Variants in ADNP2 observed in about 807,000 individuals in gnomAD.
ADNP2 encodes the protein ADNP homeobox 2.
In ADNP2, 8 loss-of-function variants were observed where a neutral mutation model predicts 16.4. That is an observed-to-expected ratio of 0.49 (90% CI 0.29 to 0.88). ADNP2 has a LOEUF of 0.88. Among genes scored for constraint, ADNP2 ranks in the 40% least tolerant of loss-of-function variants. The pLI is 0.09. For missense variants in ADNP2, 1,397 were observed against 1,395.1 expected, an observed-to-expected ratio of 1.00 and a Z score of -0.02; for synonymous variants, 637 against 545.8, an observed-to-expected ratio of 1.17 and a Z score of -2.33.
At position 80,110,933 on chromosome 18, in the gene ADNP2, C is replaced by T. The variant is rs552303087; in HGVS notation, c.-14+1461C>T. On this transcript the variant is annotated intron_variant, in intron 1 of 3. Transcript: ENST00000262198. The stretch of plus-strand genomic sequence containing the variant: ...CACTGTTTATGGGGGAAGATGACAG[C>T]TATGCTAAGATTTTTAGCTGAAGAG... 6.6e-5 allele frequency among the ~76,000 whole-genome samples: 10 copies of T among 152,286 alleles called. No individual in the cohort carries two copies. The South Asian group carries it at 2.1e-3, about 32-fold the overall frequency.
At chr18:80,117,946 C>T (rs1216132545) in intron 2 of ADNP2, among the ~76,000 whole-genome samples, 1 of 152,012 alleles carries the variant, frequency 6.6e-6, no homozygotes, top group Non-Finnish European at 1.5e-5. Context: ...AACTTAATTT[C>T]CCAGTATTGT....
intron 1 of ADNP2, among the ~76,000 whole-genome samples, 184 bp from the exon 2 acceptor site, chr18:80,117,346 A>T (rs927132793): frequency 6.6e-6 from 1 of 152,048 alleles, no homozygotes; most frequent in African/African-American, 2.4e-5. Context: ...TTTTGAGTTA[A>T]TTTTTGTATA....
At chr18:80,123,982 G>T (rs1004994989) in intron 2 of ADNP2, among the ~76,000 whole-genome samples, 1 of 152,080 alleles carries the variant, frequency 6.6e-6, no homozygotes, top group Non-Finnish European at 1.5e-5. Context: ...TACCCACCTC[G>T]GTGTCCCAAA....
intron 2 of ADNP2, among the ~76,000 whole-genome samples, chr18:80,128,370 G>C (rs2052473929): frequency 6.6e-6 from 1 of 152,158 alleles, no homozygotes; most frequent in Non-Finnish European, 1.5e-5. Flanking sequence ...GTAATAACTT[G>C]GCCAGGTGCG....
At chr18:80,132,695 C>G (rs539044014) in intron 2 of ADNP2, among the ~76,000 whole-genome samples, 3 of 149,632 alleles carry the variant, frequency 2.0e-5, no homozygotes, top group African/African-American at 7.4e-5. Context: ...CTCCTCTCCC[C>G]TCCCCTCTCC....
At chr18:80,133,327 G>T (rs2052510635) in intron 3 of ADNP2, 135 bp downstream of exon 3, 2 of 720,000 alleles carry the variant, frequency 2.8e-6, no homozygotes, top group Non-Finnish European at 4.9e-6. Flanking sequence ...ACCTTTCAGA[G>T]AAGTAGCAAG....
intron 3 of ADNP2, among the ~76,000 whole-genome samples, chr18:80,135,324 A>G (rs939508759): frequency 6.6e-6 from 1 of 152,262 alleles, no homozygotes; most frequent in East Asian, 1.9e-4. Flanking sequence ...GTGTTTGTAA[A>G]TAAAGTTTTA....
At chr18:80,121,997 A>G (rs906882899) in intron 2 of ADNP2, among the ~76,000 whole-genome samples, 4 of 151,952 alleles carry the variant, frequency 2.6e-5, no homozygotes, top group East Asian at 1.9e-4. Flanking sequence ...GCTCACTGCA[A>G]CCTCTGCCTC....
At position 80,137,581 on chromosome 18, in the gene ADNP2, C is replaced by G; in HGVS notation, c.2168C>G (p.Ser723Cys). 1.2e-6 allele frequency: 2 copies of G among 1,614,206 alleles called. No homozygotes were observed. The highest frequency in any genetic ancestry group is 1.7e-6 in the Non-Finnish European group (2 of 1,180,052). The change falls in exon 4 of 4, where the codon TCT (serine) becomes TGT (cysteine). Residue 723 changes from serine to cysteine, a missense_variant. Ser to Cys is a moderately radical substitution (Grantham distance 112, BLOSUM62 -1). Around this residue, in one of 3 missense-constraint regions of ADNP2, gnomAD observed 611 missense variants for 648.7 expected, o/e 0.94. Coordinates refer to ENST00000262198, the MANE Select transcript of ADNP2 (RefSeq NM_014913.4). The surrounding 1 kb of genome is among the most constrained non-coding windows in gnomAD (Gnocchi z 4.2). ...EVAHKHSESK[S>C]GEKLEPEKLA... ...GCGCATAAGCACAGCGAGTCCAAGT[C>G]TGGTGAGAAACTTGAGCCTGAAAAA...
At chr18:80,124,994 G>GT (rs1376259550) in intron 2 of ADNP2, among the ~76,000 whole-genome samples, 1 of 152,158 alleles carries the variant, frequency 6.6e-6, no homozygotes, top group African/African-American at 2.4e-5. Flanking sequence ...GGAGTTGTAT[G>GT]TCAGGAAATA....
chr18:80,137,637 A>G lies in ADNP2; in HGVS notation c.2224A>G (p.Met742Val). The G allele has an allele frequency of 1.2e-6, 2 of 1,614,220 alleles. No homozygotes were observed. The highest frequency in any genetic ancestry group is 1.7e-6 in the Non-Finnish European group (2 of 1,180,046). Residue 742 changes from methionine (M) to valine (V), a missense_variant, in exon 4 of 4, where the codon ATG becomes GTG. Met to Val is a conservative substitution (Grantham distance 21). Transcript: ENST00000262198. This position sits in a 1 kb window ranked among gnomAD's most constrained non-coding sequence, Gnocchi z 4.2. ...LAACAPFLKW[M>V]REKTVRCLSC... ...AGCGTGTGCACCATTTCTAAAGTGG[A>G]TGAGAGAGAAAACGGTGCGATGTCT...
chr18:80,129,308 G>T (rs1455330578), intron 2 of ADNP2, among the ~76,000 whole-genome samples: 1 of 151,828 alleles, frequency 6.6e-6, no homozygotes, highest in Non-Finnish European at 1.5e-5. Context: ...TTCACCATGT[G>T]GCCAGGCTGG....
In ADNP2 at chr18:80,136,382, C is replaced by T. The variant is rs773422267; in HGVS notation, c.969C>T (p.Pro323=). ...CCCCTGGAAGCCTCACTCATTCCCC[C>T]CCTGCTGCTGGCCAATCCCACATGA... The part of the protein sequence containing the change: ...QGAPGSLTHS[P]PAAGQSHMTL... The change falls in exon 4 of 4, where the codon CCC becomes CCT. Residue 323 remains proline (P), a synonymous_variant. Coordinates refer to ENST00000262198, the MANE Select transcript of ADNP2 (RefSeq NM_014913.4). The T allele has an allele frequency of 2.5e-6, 4 of 1,614,218 alleles. No individual in the cohort carries two copies. Among genetic ancestry groups the T allele is most frequent in the Admixed American group, 1.7e-5 (1 of 60,030 alleles).
rs1219895001 is a variant in ADNP2 at position 80,135,543 on chromosome 18, AG to A, written c.199-66del. 188 of 1,398,630 alleles carry A rather than the reference AG, an allele frequency of 1.3e-4. No individual in the cohort carries two copies. The African/African-American group carries it at 2.4e-3, about 18-fold the overall frequency. The allele number at this position is 1,398,630 out of a possible 1,614,324, so 86.6% of individuals were successfully genotyped here. ...TTAGAAGAAAAGGGATCAAGTCCTC[AG>A]GGACTGTGGAAGGTTAGCATCTGAC... is the stretch of plus-strand genomic sequence containing the variant. On this transcript the variant is annotated intron_variant, in intron 3 of 3. Transcript: ENST00000262198.
Position 80,120,046 on chromosome 18 carries a change from G to C in ADNP2, c.108+2396G>C, listed in dbSNP as rs959993144. 4.6e-5 allele frequency among the ~76,000 whole-genome samples: 7 copies of C among 152,324 alleles called. No individual in the cohort carries two copies. In the South Asian group the frequency reaches 1.4e-3, roughly 32 times the overall value. ...TATAGGGGTGGGGACTGGGAGGAAG[G>C]CTGAGGCCAAGTGGGCTTTGGGGTG... On this transcript the variant is annotated intron_variant, in intron 2 of 3. Coordinates refer to ENST00000262198, the MANE Select transcript of ADNP2 (RefSeq NM_014913.4).
Position 80,135,976 on chromosome 18 carries a change from G to C in ADNP2, c.563G>C (p.Gly188Ala). The C allele has an allele frequency of 6.2e-7, 1 of 1,614,188 alleles. No homozygotes were observed. Among genetic ancestry groups the C allele is most frequent in the South Asian group, 1.1e-5 (1 of 91,086 alleles). Residue 188 changes from glycine (G) to alanine (A), a missense_variant, in exon 4 of 4, where the codon GGC becomes GCC. Coordinates refer to ENST00000262198, the MANE Select transcript of ADNP2 (RefSeq NM_014913.4). The part of the protein sequence containing the change: ...HFHYLINSYF[G>A]LRTEEMGEQP... ...CACTACTTAATTAACTCCTACTTTG[G>C]CCTAAGAACTGAGGAAATGGGTGAG... is the stretch of plus-strand genomic sequence containing the variant.
rs1568416598 is a variant in ADNP2 at position 80,137,576 on chromosome 18, C to T, written c.2163C>T (p.Ser721=). ...AGGTAGCGCATAAGCACAGCGAGTC[C>T]AAGTCTGGTGAGAAACTTGAGCCTG... ...HMEVAHKHSE[S]KSGEKLEPEK... The change falls in exon 4 of 4, where the codon TCC becomes TCT. Residue 721 remains serine (S), a synonymous_variant. Coordinates refer to ENST00000262198, the MANE Select transcript of ADNP2 (RefSeq NM_014913.4). This position sits in a 1 kb window ranked among gnomAD's most constrained non-coding sequence, Gnocchi z 4.2. 15 of 1,614,202 alleles carry T rather than the reference C, an allele frequency of 9.3e-6. No individual in the cohort carries two copies. The highest frequency in any genetic ancestry group is 1.2e-5 in the Non-Finnish European group (14 of 1,180,034).
At chr18:80,115,835 G>T (rs1410014889) in intron 1 of ADNP2, among the ~76,000 whole-genome samples, 1 of 152,112 alleles carries the variant, frequency 6.6e-6, no homozygotes, top group Admixed American at 6.6e-5. Context: ...GAGTGCAGTG[G>T]CGCGACCTCG....
intron 2 of ADNP2, among the ~76,000 whole-genome samples, chr18:80,124,685 G>A (rs4799135): frequency 0.24 from 36,364 of 151,980 alleles, 5,943 homozygotes; most frequent in African/African-American, 0.47. Context: ...TGCCCTGGAA[G>A]TTAGCTGAAA....
Sources: gnomAD v4.1 joint callset for allele counts (sites outside exome capture counted in the v4.1 genomes callset) on GRCh38, gnomAD v4.1.1 for gene constraint, gnomAD v4.1.1 regional missense constraint, Gnocchi (gnomAD v3.1) non-coding constraint, MANE v1.5 for transcripts, NCBI Gene and HGNC (gene_info 2026-07-23, HGNC 2026-07-21) for gene names.